DST: variants seen among roughly 807,000 people sequenced by gnomAD.
The protein encoded by DST is bullous pemphigoid antigen.
Under a neutral mutation model 875.2 loss-of-function variants are expected in DST, and 253 were observed. The observed-to-expected ratio is 0.29, with a 90% CI of 0.26 to 0.32. The LOEUF (loss-of-function observed/expected upper bound fraction) is 0.32. Among genes scored for constraint, DST ranks in the 10% least tolerant of loss-of-function variants. The probability of loss-of-function intolerance (pLI) is 1.00; values close to 1 mark genes in which losing one functional copy is unlikely to be tolerated. For missense variants in DST, 8,287 were observed against 9,111.6 expected (o/e 0.91, Z 3.68); for synonymous variants, 3,124 against 3,197.1 (o/e 0.98, Z 0.77).
rs2098807395 is a variant in DST at position 56,634,220 on chromosome 6, T to C, written c.3533A>G (p.His1178Arg). The C allele has an allele frequency of 1.9e-6, 3 of 1,613,688 alleles. No individual in the cohort carries two copies. The highest frequency in any genetic ancestry group is 2.7e-5 in the African/African-American group (2 of 74,926). Residue 1178 changes from histidine (H) to arginine (R), a missense_variant, in exon 27 of 104, where the codon CAT becomes CGT. Physicochemically the swap from His to Arg is conservative, Grantham distance 29. This residue lies in a region of DST where 1,160 missense variants were observed against 1,424.3 expected (regional missense o/e 0.81). Coordinates refer to ENST00000680361, the MANE Select transcript of DST (RefSeq NM_001374736.1). The part of the protein sequence containing the change: ...QQYQNVLTLW[H>R]ESHINMKSVV... ...ACTCTTCATGTTTATGTGAGACTCA[T>C]GCCAAAGAGTCAGGACATTCTGATA...
intron 58 of DST, among the ~76,000 whole-genome samples, chr6:56,558,134 T>C (rs879390515): frequency 9.2e-5 from 14 of 152,192 alleles, no homozygotes; most frequent in Admixed American, 2.0e-4. Context: ...AGAAAATTCT[T>C]TTATGAGCTT....
chr6:56,616,617 C>G, intron 36 of DST: 1 of 1,614,140 alleles, frequency 6.2e-7, no homozygotes, highest in Non-Finnish European at 8.5e-7. Flanking sequence ...CTGGATGGCT[C>G]ATGTAAAAAC....
At position 56,640,625 on chromosome 6, in the gene DST, G is replaced by C; in HGVS notation, c.2028-20C>G. The C allele has an allele frequency of 3.1e-6, 5 of 1,588,702 alleles. No homozygotes were observed. Among genetic ancestry groups the C allele is most frequent in the African/African-American group, 1.3e-5 (1 of 74,488 alleles). ...GCAACCCTGAAAAGAAAATCCAAAGGGATAAGGTGAAATATAAAGGCACTT... is the reference window on the plus strand; with the variant it reads ...GCAACCCTGAAAAGAAAATCCAAAGCGATAAGGTGAAATATAAAGGCACTT... On this transcript the variant is annotated intron_variant, in intron 17 of 103. Coordinates refer to ENST00000680361, the MANE Select transcript of DST (RefSeq NM_001374736.1).
intron 5 of DST, among the ~76,000 whole-genome samples, chr6:56,728,932 G>A (rs567650413): frequency 1.4e-5 from 2 of 146,308 alleles, no homozygotes; most frequent in African/African-American, 5.0e-5. Flanking sequence ...AAAGGATTAT[G>A]GTATATATAA....
Position 56,574,393 on chromosome 6 carries a change from C to G in DST, c.13028-506G>C, listed in dbSNP as rs543615325. The stretch of plus-strand genomic sequence containing the variant: ...TATCACCCTATCTCCCTCCTTCATA[C>G]ACACGCATGCTAAGCTTTTGTCATA... On this transcript the variant is annotated intron_variant, in intron 50 of 103. Coordinates refer to ENST00000680361, the MANE Select transcript of DST (RefSeq NM_001374736.1). Among the ~76,000 whole-genome samples, 15 of 152,294 alleles carry G rather than the reference C, an allele frequency of 9.8e-5. 1 individual carries two copies. Among genetic ancestry groups the G allele is most frequent in the Admixed American group, 2.0e-4 (3 of 15,282 alleles).
At chr6:56,535,324 T>G in intron 62 of DST, 32 bp from the exon 63 acceptor site, 1 of 1,546,188 alleles carries the variant, frequency 6.5e-7, no homozygotes, top group Non-Finnish European at 8.6e-7. Flanking sequence ...CACTTATTTA[T>G]TTGTTTCACA....
intron 4 of DST, among the ~76,000 whole-genome samples, chr6:56,820,759 T>C (rs2099772168): frequency 6.6e-6 from 1 of 152,178 alleles, no homozygotes; most frequent in African/African-American, 2.4e-5. Flanking sequence ...TAGTGATTAT[T>C]ACAAGTTATC....
chr6:56,695,144 A>AAAAAAAAAAAAAAAAAC (rs2099256553), intron 9 of DST, among the ~76,000 whole-genome samples: 1 of 151,018 alleles, frequency 6.6e-6, no homozygotes, highest in African/African-American at 2.4e-5. Context: ...AAAAAAAAAA[A>AAAAAAAAAAAAAAAAAC]AAAGAGTTAG....
chr6:56,618,324 G>C lies in DST; in HGVS notation c.4930-3840C>G. On this transcript the variant is annotated intron_variant, in intron 36 of 103. Coordinates refer to ENST00000680361, the MANE Select transcript of DST (RefSeq NM_001374736.1). ...AACAGAGGGGATCTGGGTGTTGGGTGAAGGTGTCCAGTGTTTCTAGAGGAC... is the reference window on the plus strand; with the variant it reads ...AACAGAGGGGATCTGGGTGTTGGGTCAAGGTGTCCAGTGTTTCTAGAGGAC... 6.2e-7 allele frequency: 1 copy of C among 1,614,192 alleles called. No homozygotes were observed. Among genetic ancestry groups the C allele is most frequent in the Non-Finnish European group, 8.5e-7 (1 of 1,180,026 alleles).
intron 9 of DST, among the ~76,000 whole-genome samples, chr6:56,687,874 C>T (rs1283159214): frequency 4.6e-5 from 7 of 151,202 alleles, no homozygotes; most frequent in Non-Finnish European, 1.0e-4. Context: ...CTGGTACAAA[C>T]TGCCTATATA....
intron 49 of DST, among the ~76,000 whole-genome samples, chr6:56,589,240 T>A (rs987619978): frequency 1.3e-5 from 2 of 152,186 alleles, no homozygotes; most frequent in African/African-American, 4.8e-5. Context: ...AGAAGTGCAT[T>A]ATAAAAGAAG....
rs146927886 is a variant in DST, at chr6:56,635,152, C to A, written c.3187-199G>T. Among the ~76,000 whole-genome samples the A allele has an allele frequency of 5.3e-3, 802 of 152,212 alleles. 6 individuals carry two copies. The highest frequency in any genetic ancestry group is 0.018 in the African/African-American group (758 of 41,538). On this transcript the variant is annotated intron_variant, in intron 24 of 103. Transcript: ENST00000680361. ...GTTTGGTTTTCTTTTTCCTCTTTGG[C>A]ATTTACACTACCTAACATACTATAC...
chr6:56,919,898 G>T (rs6941401), intron 2 of DST, among the ~76,000 whole-genome samples: 43,982 of 151,896 alleles, frequency 0.29, 6,916 homozygotes, highest in African/African-American at 0.41. Flanking sequence ...TGAGTTGAGA[G>T]CCCACCATTG....
In DST at chr6:56,572,240, G is replaced by A. The variant is rs1483796743; in HGVS notation, c.13581C>T (p.His4527=). Residue 4527 remains histidine (H), a synonymous_variant, in exon 53 of 104, where the codon CAC becomes CAT. Transcript: ENST00000680361. ...MQESTSEFLE[H]KKHLEVLHSL... ...TATGCAAAACTTCAAGATGTTTCTT[G>A]TGTTCTAAAAATTCAGAAGTTGATT... is the stretch of plus-strand genomic sequence containing the variant. 1.9e-6 allele frequency: 3 copies of A among 1,568,164 alleles called. No individual in the cohort carries two copies. The East Asian group carries it at 6.9e-5, about 36-fold the overall frequency.
chr6:56,460,561 T>A, intron 102 of DST: 1 of 222,492 alleles, frequency 4.5e-6, no homozygotes, highest in Non-Finnish European at 9.0e-6. Context: ...ATGGTGAGTA[T>A]GTTAGTATCT....
intron 4 of DST, among the ~76,000 whole-genome samples, chr6:56,818,748 G>A (rs1462654986): frequency 6.6e-6 from 1 of 152,044 alleles, no homozygotes; most frequent in East Asian, 1.9e-4. Context: ...ACACAGAAAA[G>A]GGTTCTGATC....
At position 56,604,404 on chromosome 6, in the gene DST, G is replaced by A; in HGVS notation, c.10224C>T (p.Asp3408=). ...LVNEASTVPS[D]SQMSDSSGVS... ...CTCCAGAAGAGTCACTCATTTGAGA[G>A]TCGCTGGGCACAGTAGATGCCTCAT... The change falls in exon 40 of 104, where the codon GAC becomes GAT. Residue 3408 remains aspartate (D), a synonymous_variant. Transcript: ENST00000680361. 6.2e-7 allele frequency: 1 copy of A among 1,610,894 alleles called. No individual in the cohort carries two copies. The highest frequency in any genetic ancestry group is 8.5e-7 in the Non-Finnish European group (1 of 1,178,192).
chr6:56,621,868 T>A (rs1009598958), intron 36 of DST, among the ~76,000 whole-genome samples: 93 of 152,214 alleles, frequency 6.1e-4, no homozygotes, highest in African/African-American at 2.1e-3. Flanking sequence ...TAATTTCTAT[T>A]ACAGACCATA....
intron 4 of DST, among the ~76,000 whole-genome samples, chr6:56,823,154 G>A (rs545475995): frequency 2.2e-4 from 34 of 152,102 alleles, no homozygotes; most frequent in Admixed American, 6.5e-4. Context: ...AGAACACCCT[G>A]GGACAACACT....
Sources: allele counts gnomAD v4.1 joint callset (sites outside exome capture counted in the v4.1 genomes callset), GRCh38; gene constraint gnomAD v4.1.1; regional missense constraint gnomAD v4.1.1; transcripts MANE v1.5; gene names NCBI Gene and HGNC (gene_info 2026-07-23, HGNC 2026-07-21).